CAMK2D: variants seen among roughly 807,000 people sequenced by gnomAD.
The protein encoded by CAMK2D is calcium/calmodulin-dependent protein kinase type II subunit delta.
A neutral mutation model predicts 84.0 loss-of-function variants in CAMK2D; 37 were observed. The ratio of observed to expected loss-of-function variants is 0.44; its 90% CI spans 0.34 to 0.58. The LOEUF (loss-of-function observed/expected upper bound fraction) is 0.58. Among genes scored for constraint, CAMK2D ranks in the 20% least tolerant of loss-of-function variants. The probability of loss-of-function intolerance (pLI) is 0.02; values close to 1 mark genes in which losing one functional copy is unlikely to be tolerated. For synonymous variants in CAMK2D, 202 were observed against 212.5 expected (o/e 0.95, Z 0.43); for missense variants, 448 against 652.5 (o/e 0.69, Z 3.41).
intron 2 of CAMK2D, among the ~76,000 whole-genome samples, chr4:113,679,732 T>C (rs1210439657): frequency 6.6e-6 from 1 of 152,150 alleles, no homozygotes; most frequent in Non-Finnish European, 1.5e-5. Flanking sequence ...AATTTGGAAA[T>C]ACGCAGCATA....
At chr4:113,497,428 GA>G (rs2097952710) in intron 16 of CAMK2D, among the ~76,000 whole-genome samples, 1 of 152,194 alleles carries the variant, frequency 6.6e-6, no homozygotes, top group South Asian at 2.1e-4. Context: ...CTAATTAGAA[GA>G]GCTGAAGGAA....
At chr4:113,542,670 G>A (rs1293718128) in intron 6 of CAMK2D, among the ~76,000 whole-genome samples, 8 of 150,910 alleles carry the variant, frequency 5.3e-5, no homozygotes, top group African/African-American at 1.7e-4. Flanking sequence ...AGCTGAGATC[G>A]CGCCACTGCC....
chr4:113,665,523 C>T lies in CAMK2D; in HGVS notation c.161-3751G>A, dbSNP rs190893491. 4.9e-4 allele frequency among the ~76,000 whole-genome samples: 74 copies of T among 152,318 alleles called. 1 individual carries two copies. The highest frequency in any genetic ancestry group is 1.5e-3 in the South Asian group (7 of 4,822). ...ACAAAAACTACATATGCTACCTCAT[C>T]ATTCCCAGCTCTGACAACTACAGTG... is the stretch of plus-strand genomic sequence containing the variant. On this transcript the variant is annotated intron_variant, in intron 2 of 20. Transcript: ENST00000511664.
chr4:113,532,326 G>A (rs1195583372), intron 7 of CAMK2D, among the ~76,000 whole-genome samples: 2 of 152,138 alleles, frequency 1.3e-5, no homozygotes, highest in African/African-American at 4.8e-5. Flanking sequence ...TTTGGGGGAA[G>A]ATTGGATAGA....
intron 2 of CAMK2D, among the ~76,000 whole-genome samples, chr4:113,672,136 T>A (rs1026577366): frequency 9.2e-5 from 14 of 152,324 alleles, no homozygotes; most frequent in African/African-American, 3.1e-4. Context: ...TTTATAATAT[T>A]AACTTTCTTC....
At chr4:113,576,704 A>C (rs901374898) in intron 4 of CAMK2D, among the ~76,000 whole-genome samples, 1 of 152,188 alleles carries the variant, frequency 6.6e-6, no homozygotes, top group Non-Finnish European at 1.5e-5. Flanking sequence ...ATTTCTCAGA[A>C]GATCACTTTA....
intron 6 of CAMK2D, among the ~76,000 whole-genome samples, chr4:113,545,234 A>C (rs549153804): frequency 6.6e-6 from 1 of 152,122 alleles, no homozygotes; most frequent in South Asian, 2.1e-4. Context: ...GCATTACGTT[A>C]AACAGCTATG....
chr4:113,567,588 G>C (rs2098731981), intron 4 of CAMK2D, among the ~76,000 whole-genome samples: 1 of 152,130 alleles, frequency 6.6e-6, no homozygotes, highest in African/African-American at 2.4e-5. Flanking sequence ...AAAATAGTCT[G>C]ATTTTTCAGG....
intron 3 of CAMK2D, among the ~76,000 whole-genome samples, chr4:113,644,657 T>C (rs1474721944): frequency 1.3e-5 from 2 of 152,040 alleles, no homozygotes; most frequent in East Asian, 1.9e-4. Flanking sequence ...AGACCTAGAA[T>C]TGAGAGCTGA....
intron 2 of CAMK2D, chr4:113,754,171 T>C (rs533037378): frequency 2.1e-6 from 2 of 933,234 alleles, no homozygotes; most frequent in East Asian, 1.2e-4. Flanking sequence ...AGAAATACTA[T>C]TGTAACTTAA....
intron 2 of CAMK2D, among the ~76,000 whole-genome samples, chr4:113,687,983 C>T (rs1156295750): frequency 6.6e-6 from 1 of 152,102 alleles, no homozygotes; most frequent in Admixed American, 6.5e-5. Flanking sequence ...GAAATACACA[C>T]ACGGAGAGAA....
intron 3 of CAMK2D, among the ~76,000 whole-genome samples, chr4:113,653,981 G>A (rs978752695): frequency 1.3e-5 from 2 of 151,948 alleles, no homozygotes; most frequent in Non-Finnish European, 2.9e-5. Flanking sequence ...AATGGTATTT[G>A]AGCGAAAAAT....
At chr4:113,713,810 AT>A (rs527320804) in intron 2 of CAMK2D, among the ~76,000 whole-genome samples, 3 of 150,624 alleles carry the variant, frequency 2.0e-5, no homozygotes, top group African/African-American at 7.3e-5. Flanking sequence ...CACATGTGAT[AT>A]TTTTTTTCTC....
At chr4:113,467,143 G>A (rs895238101) in intron 16 of CAMK2D, among the ~76,000 whole-genome samples, 3 of 152,220 alleles carry the variant, frequency 2.0e-5, no homozygotes, top group South Asian at 2.1e-4. Context: ...AGAATATTGC[G>A]ATATTCCCTT....
chr4:113,537,394 A>C lies in CAMK2D; in HGVS notation c.464T>G (p.Leu155Trp). ...TTCTATGGCTAAGCCAAAGTCTGCCAATTTCACAGCTGCTCCCTTGGATTT... is the reference window on the plus strand; with the variant it reads ...TTCTATGGCTAAGCCAAAGTCTGCCCATTTCACAGCTGCTCCCTTGGATTT... ...ASKSKGAAVK[L>W]ADFGLAIEVQ... Residue 155 changes from leucine (L) to tryptophan (W), a missense_variant, in exon 7 of 21, where the codon TTG becomes TGG. Around this residue, in one of 7 missense-constraint regions of CAMK2D, gnomAD observed 60 missense variants for 70.0 expected, o/e 0.86. Coordinates refer to ENST00000511664, the MANE Select transcript of CAMK2D (RefSeq NM_001321571.2). The C allele has an allele frequency of 6.2e-7, 1 of 1,613,512 alleles. No individual in the cohort carries two copies. The highest frequency in any genetic ancestry group is 8.5e-7 in the Non-Finnish European group (1 of 1,179,518).
intron 4 of CAMK2D, among the ~76,000 whole-genome samples, chr4:113,608,936 T>C (rs2098988486): frequency 6.6e-6 from 1 of 152,162 alleles, no homozygotes; most frequent in South Asian, 2.1e-4. Flanking sequence ...CTATTTCACT[T>C]AGGTTAAGGT....
intron 2 of CAMK2D, chr4:113,755,173 TACACACAC>T (rs59818897): frequency 6.1e-5 from 10 of 163,724 alleles, no homozygotes; most frequent in African/African-American, 1.1e-4. Context: ...TACTTAGGGA[TACACACAC>T]ACACACACAC....
chr4:113,642,775 A>G (rs1031831332), intron 3 of CAMK2D, among the ~76,000 whole-genome samples: 3 of 151,898 alleles, frequency 2.0e-5, no homozygotes, highest in Non-Finnish European at 4.4e-5. Flanking sequence ...TCTGCTAGAA[A>G]GGCACCAACT....
chr4:113,530,378 T>A (rs1232163558), intron 8 of CAMK2D, among the ~76,000 whole-genome samples: 1 of 152,200 alleles, frequency 6.6e-6, no homozygotes, highest in Non-Finnish European at 1.5e-5. Context: ...TCACATGAGG[T>A]CAGGTGCAGA....
Sources: gnomAD v4.1 joint callset for allele counts (sites outside exome capture counted in the v4.1 genomes callset) on GRCh38, gnomAD v4.1.1 for gene constraint, gnomAD v4.1.1 regional missense constraint, MANE v1.5 for transcripts, NCBI Gene and HGNC (gene_info 2026-07-23, HGNC 2026-07-21) for gene names.